The following RAD9B variants were observed in gnomAD, a reference collection of about 807,000 sequenced individuals.
RAD9B encodes the protein cell cycle checkpoint control protein RAD9B.
Under a neutral mutation model 48.3 loss-of-function variants are expected in RAD9B, and 41 were observed. That is an observed-to-expected ratio of 0.85 (90% CI 0.66 to 1.10). RAD9B has a LOEUF of 1.10. Ranked by LOEUF, RAD9B falls within the 50% of genes least tolerant of loss-of-function variation. The pLI is 0.00. For missense variants in RAD9B, 444 were observed against 485.1 expected, an observed-to-expected ratio of 0.92 and a Z score of 0.80; for synonymous variants, 160 against 157.9, an observed-to-expected ratio of 1.01 and a Z score of -0.10.
At position 110,530,808 on chromosome 12, in the gene RAD9B, T is replaced by C. The variant is rs775840463; in HGVS notation, c.*155T>C. On this transcript the variant is annotated 3_prime_UTR_variant, in exon 11 of 11. Transcript: ENST00000409300. The stretch of plus-strand genomic sequence containing the variant: ...ACCACATCATCTTGTACAACAACCA[T>C]ATCTAGAAATAGCTGTTTGTCAAGT... 7.0e-5 allele frequency: 100 copies of C among 1,418,818 alleles called. No homozygotes were observed. The highest frequency in any genetic ancestry group is 8.5e-5 in the Non-Finnish European group (92 of 1,087,858). The allele number at this position is 1,418,818 out of a possible 1,614,324, so 87.9% of individuals were successfully genotyped here.
At chr12:110,521,587 C>T (rs1314221121) in intron 9 of RAD9B, among the ~76,000 whole-genome samples, 3 of 140,066 alleles carry the variant, frequency 2.1e-5, no homozygotes, top group African/African-American at 8.1e-5. Flanking sequence ...GTCAGAGTCT[C>T]GCTTTGTCAC....
rs150741477 is a variant in RAD9B at position 110,519,661 on chromosome 12, C to T, written c.768-133C>T. The T allele has an allele frequency of 1.3e-3, 1,170 of 911,158 alleles. 18 individuals carry two copies. The Admixed American group carries it at 0.019, about 15-fold the overall frequency. 56.4% of individuals were successfully genotyped at this position (911,158 alleles called of 1,614,324 possible). A position where few individuals can be genotyped will look rare whatever the true frequency, so the allele number is the denominator to read the frequency against. ...ATGTTGGTCAGGCTGGTCTCAAACT[C>T]GCAACCTCAGATGATCCACCCGCCT... is the stretch of plus-strand genomic sequence containing the variant. On this transcript the variant is annotated intron_variant, in intron 8 of 10. Coordinates refer to ENST00000409300, the MANE Select transcript of RAD9B (RefSeq NM_001286535.2).
chr12:110,530,521 C>T lies in RAD9B; in HGVS notation c.1126-4C>T. 1.2e-6 allele frequency: 2 copies of T among 1,611,622 alleles called. No homozygotes were observed. Among genetic ancestry groups the T allele is most frequent in the Non-Finnish European group, 1.7e-6 (2 of 1,179,320 alleles). ...CAACAATGCAGTTCCTTTTTTCCCT[C>T]CAGTTTTCTTGCATGTTCTTTGGAG... On this transcript the variant is annotated splice_polypyrimidine_tract_variant and splice_region_variant and intron_variant, in intron 10 of 10. Coordinates refer to ENST00000409300, the MANE Select transcript of RAD9B (RefSeq NM_001286535.2).
chr12:110,512,216 T>C (rs1446502072), intron 4 of RAD9B, among the ~76,000 whole-genome samples: 1 of 148,052 alleles, frequency 6.8e-6, no homozygotes, highest in Admixed American at 6.9e-5. Context: ...TGGCACAATC[T>C]TGGCTCATGG....
intron 4 of RAD9B, chr12:110,511,669 G>T (rs1219554054): frequency 4.4e-6 from 1 of 225,776 alleles, no homozygotes; most frequent in African/African-American, 2.3e-5. Context: ...GCAGAGTAGG[G>T]TGACTATAAG....
intron 9 of RAD9B, among the ~76,000 whole-genome samples, 198 bp from the exon 10 acceptor site, chr12:110,521,979 T>C (rs990742640): frequency 2.0e-5 from 3 of 152,190 alleles, no homozygotes; most frequent in African/African-American, 7.2e-5. Flanking sequence ...AATGAGTTGC[T>C]TTACTGAAAG....
At chr12:110,505,949 A>T (rs377607735) in intron 3 of RAD9B, among the ~76,000 whole-genome samples, 177 bp downstream of exon 3, 1 of 152,086 alleles carries the variant, frequency 6.6e-6, no homozygotes, top group Non-Finnish European at 1.5e-5. Flanking sequence ...CAGTGGTGCA[A>T]TCTTGGCTCA....
Position 110,526,371 on chromosome 12 carries a change from T to G in RAD9B, c.1125+3960T>G, listed in dbSNP as rs114464980. Among the ~76,000 whole-genome samples the G allele has an allele frequency of 3.2e-3, 491 of 152,266 alleles. 4 individuals are homozygous for G. The highest frequency in any genetic ancestry group is 0.011 in the African/African-American group (475 of 41,550). On this transcript the variant is annotated intron_variant, in intron 10 of 10. Transcript: ENST00000409300. ...ATCCAGCCATATGAGACTTACAGGCTGAAGGTGGGGACAAGGGAGGGTAGC... is the reference window on the plus strand; with the variant it reads ...ATCCAGCCATATGAGACTTACAGGCGGAAGGTGGGGACAAGGGAGGGTAGC...
At chr12:110,518,084 G>A (rs1331140542) in intron 6 of RAD9B, among the ~76,000 whole-genome samples, 1 of 152,026 alleles carries the variant, frequency 6.6e-6, no homozygotes, top group Admixed American at 6.6e-5. Flanking sequence ...CCAGCAACTC[G>A]GGAGGCTGAG....
chr12:110,522,655 A>T (rs1416793302), intron 10 of RAD9B, among the ~76,000 whole-genome samples: 1 of 152,268 alleles, frequency 6.6e-6, no homozygotes, highest in Non-Finnish European at 1.5e-5. Flanking sequence ...AACAAAGCAT[A>T]TTCAAGTAGA....
intron 4 of RAD9B, chr12:110,511,337 A>G (rs1483146347): frequency 2.1e-5 from 5 of 233,072 alleles, no homozygotes; most frequent in Non-Finnish European, 9.4e-6. Flanking sequence ...CTAAGTGTCT[A>G]TTAGTGGACT....
At position 110,505,718 on chromosome 12, in the gene RAD9B, G is replaced by C. The variant is rs1335248709; in HGVS notation, c.219G>C (p.Met73Ile). ...ATCAATGGTCAGCTTTAGTGAAAAT[G>C]AGTGAAAATGAACTTGACACAACAC... ...QHYQWSALVK[M>I]SENELDTTLH... Residue 73 changes from methionine to isoleucine, a missense_variant, in exon 3 of 11, where the codon ATG becomes ATC. Physicochemically the swap from Met to Ile is conservative, Grantham distance 10. Coordinates refer to ENST00000409300, the MANE Select transcript of RAD9B (RefSeq NM_001286535.2). 3 of 1,609,714 alleles carry C rather than the reference G, an allele frequency of 1.9e-6. No homozygotes were observed. The highest frequency in any genetic ancestry group is 2.2e-5 in the East Asian group (1 of 44,820).
At chr12:110,520,005 A>G in intron 9 of RAD9B, 89 bp downstream of exon 9, 1 of 1,400,298 alleles carries the variant, frequency 7.1e-7, no homozygotes, top group Non-Finnish European at 9.7e-7. Context: ...CTTAGGAAAC[A>G]ATTGAGGAGT....
Position 110,506,683 on chromosome 12 carries a change from C to T in RAD9B, c.378C>T (p.Phe126=). ...SDKCKVVIQF[F]YRHGIKRTHN... is the part of the protein sequence containing the mutation. ...AATGCAAAGTAGTTATTCAATTCTT[C>T]TACAGACATGGTAGGTATAATTAAA... Residue 126 remains phenylalanine (F), a synonymous_variant, in exon 4 of 11, where the codon TTC becomes TTT. Transcript: ENST00000409300. 1 of 1,478,412 alleles carries T rather than the reference C, an allele frequency of 6.8e-7. No individual in the cohort carries two copies. The highest frequency in any genetic ancestry group is 1.7e-4 in the Middle Eastern group (1 of 5,752). The allele number at this position is 1,478,412 out of a possible 1,614,324, so 91.6% of individuals were successfully genotyped here. A position where few individuals can be genotyped will look rare whatever the true frequency, so the allele number is the denominator to read the frequency against.
chr12:110,519,760 G>C, intron 8 of RAD9B, 34 bp from the exon 9 acceptor site: 2 of 1,577,636 alleles, frequency 1.3e-6, no homozygotes, highest in Non-Finnish European at 1.7e-6. Flanking sequence ...ATCAGAAAAT[G>C]AGTGTCACTG....
At position 110,532,296 on chromosome 12, in the gene RAD9B, T is replaced by TAG. The variant is rs2064162407; in HGVS notation, c.*1644_*1645dup. The stretch of plus-strand genomic sequence containing the variant: ...GCTTTTATACACAAAAGTAACTCTG[T>TAG]AGGTCTCTTTGCTGAGGATAACATT... On this transcript the variant is annotated 3_prime_UTR_variant, in exon 11 of 11. Transcript: ENST00000409300. 1.3e-5 allele frequency among the ~76,000 whole-genome samples: 2 copies of TAG among 152,242 alleles called. No homozygotes were observed. The highest frequency in any genetic ancestry group is 2.4e-5 in the African/African-American group (1 of 41,460).
intron 10 of RAD9B, among the ~76,000 whole-genome samples, chr12:110,529,395 T>G (rs1565905243): frequency 6.6e-6 from 1 of 152,038 alleles, no homozygotes; most frequent in Non-Finnish European, 1.5e-5. Context: ...TCCACCTGCC[T>G]CAGCCTCCTA....
intron 10 of RAD9B, among the ~76,000 whole-genome samples, chr12:110,525,359 CAA>C (rs1315705407): frequency 6.6e-6 from 1 of 152,072 alleles, no homozygotes; most frequent in African/African-American, 2.4e-5. Context: ...CTCCTGACCT[CAA>C]GTGATCCGCC....
Position 110,519,844 on chromosome 12 carries a change from T to C in RAD9B, c.818T>C (p.Leu273Ser). The C allele has an allele frequency of 6.2e-7, 1 of 1,613,346 alleles. No individual in the cohort carries two copies. The highest frequency in any genetic ancestry group is 8.5e-7 in the Non-Finnish European group (1 of 1,179,698). Residue 273 changes from leucine to serine, a missense_variant, in exon 9 of 11, where the codon TTG becomes TCG. Physicochemically the swap from Leu to Ser is moderately radical, Grantham distance 145. Coordinates refer to ENST00000409300, the MANE Select transcript of RAD9B (RefSeq NM_001286535.2). ...ATGTTAGTGGAAGCTAACTTTATTT[T>C]GGCCACATTAGCTGATGAACAAAGT... Reference protein sequence around the residue: ...DDMLVEANFILATLADEQSRA... With the variant: ...DDMLVEANFISATLADEQSRA...
Sources: allele counts gnomAD v4.1 joint callset (sites outside exome capture counted in the v4.1 genomes callset), GRCh38; gene constraint gnomAD v4.1.1; transcripts MANE v1.5; gene names NCBI Gene and HGNC (gene_info 2026-07-23, HGNC 2026-07-21).